GABRA3: variants seen among roughly 807,000 people sequenced by gnomAD.
The protein encoded by GABRA3 is gamma-aminobutyric acid type A receptor subunit alpha3.
In GABRA3, 10 loss-of-function variants were observed where a neutral mutation model predicts 30.1. The ratio of observed to expected loss-of-function variants is 0.33; its 90% confidence interval spans 0.20 to 0.56. The LOEUF (loss-of-function observed/expected upper bound fraction) is 0.56. GABRA3 is among the 20% of genes least tolerant of loss of function. GABRA3 has a pLI of 0.89. For synonymous variants in GABRA3, 151 were observed against 146.8 expected, an observed-to-expected ratio of 1.03 and a Z score of -0.21; for missense variants, 233 against 392.0, an observed-to-expected ratio of 0.59 and a Z score of 3.42.
At chrX:152,185,650 T>G (rs1422600861) in intron 9 of GABRA3, among the ~76,000 whole-genome samples, 1 of 111,658 alleles carries the variant, frequency 9.0e-6, no homozygotes, top group Non-Finnish European at 1.9e-5. Context: ...CAGTGTACTC[T>G]AAACACGGGC....
At chrX:152,234,070 T>C (rs1411634482) in intron 5 of GABRA3, among the ~76,000 whole-genome samples, 1 of 86,912 alleles carries the variant, frequency 1.2e-5, no homozygotes, top group African/African-American at 4.2e-5. Context: ...GGGGGAGGGA[T>C]AGCATTGGGA....
chrX:152,188,263 A>T (rs1473826353), intron 9 of GABRA3, among the ~76,000 whole-genome samples: 1 of 112,076 alleles, frequency 8.9e-6, no homozygotes, highest in Admixed American at 9.5e-5. Flanking sequence ...ATGTAAATAT[A>T]CAATGAATAG....
chrX:152,376,787 T>C (rs930483287), intron 1 of GABRA3, among the ~76,000 whole-genome samples: 1 of 111,737 alleles, frequency 8.9e-6, no homozygotes, highest in African/African-American at 3.3e-5. Context: ...ACCAATCTAA[T>C]TACACTGCAG....
intron 5 of GABRA3, 46 bp downstream of exon 5, chrX:152,255,732 A>C: frequency 1.8e-6 from 2 of 1,089,538 alleles, no homozygotes; most frequent in Non-Finnish European, 2.5e-6. Flanking sequence ...TTTCAAGCCC[A>C]GTCCTACTCC....
intron 7 of GABRA3, among the ~76,000 whole-genome samples, chrX:152,202,635 T>C (rs7062484): frequency 0.16 from 17,760 of 111,802 alleles, 1,035 homozygotes; most frequent in Admixed American, 0.24. Flanking sequence ...CGTTTGTATG[T>C]GTATGTATGT....
chrX:152,221,247 C>A lies in GABRA3; in HGVS notation c.634+3516G>T, dbSNP rs1342455967. Among the ~76,000 whole-genome samples, 3 of 111,627 alleles carry A rather than the reference C, an allele frequency of 2.7e-5. No individual in the cohort carries two copies. The East Asian group carries it at 8.5e-4, about 32-fold the overall frequency. ...AAGCTGGATTGTTTTATCTTTCACT[C>A]TTTCACATTTAGATGTGGAAACCAT... On this transcript the variant is annotated intron_variant, in intron 6 of 9. Coordinates refer to ENST00000370314, the MANE Select transcript of GABRA3 (RefSeq NM_000808.4).
At chrX:152,212,158 C>A (rs749652686) in intron 6 of GABRA3, among the ~76,000 whole-genome samples, 118 of 106,431 alleles carry the variant, frequency 1.1e-3, no homozygotes, top group African/African-American at 3.9e-3. Context: ...GTGGCACATG[C>A]CTGTAGCCCC....
At chrX:152,329,602 T>A (rs1334078541) in intron 3 of GABRA3, among the ~76,000 whole-genome samples, 1 of 111,991 alleles carries the variant, frequency 8.9e-6, no homozygotes, top group East Asian at 2.8e-4. Flanking sequence ...GGGGAAAGGA[T>A]TCCCTATTTA....
intron 3 of GABRA3, among the ~76,000 whole-genome samples, chrX:152,293,807 G>T (rs1204390995): frequency 2.7e-5 from 3 of 111,292 alleles, no homozygotes. Flanking sequence ...AGGAGCTCTT[G>T]TAAGGCAGGC....
chrX:152,417,914 T>C (rs1383074019), intron 1 of GABRA3, among the ~76,000 whole-genome samples: 1 of 95,674 alleles, frequency 1.0e-5, no homozygotes, highest in Non-Finnish European at 2.1e-5. Flanking sequence ...CTGGGAGATA[T>C]ACCTAATGCT....
At chrX:152,396,786 A>C (rs1238622798) in intron 1 of GABRA3, among the ~76,000 whole-genome samples, 1 of 112,391 alleles carries the variant, frequency 8.9e-6, no homozygotes, top group Non-Finnish European at 1.9e-5. Flanking sequence ...ATAAACTTTA[A>C]ACAAGGTAAA....
intron 5 of GABRA3, among the ~76,000 whole-genome samples, chrX:152,242,057 C>CA (rs1938389030): frequency 8.9e-6 from 1 of 111,763 alleles, no homozygotes; most frequent in South Asian, 3.7e-4. Flanking sequence ...CTCAAAACAG[C>CA]ATGGTACTAA....
chrX:152,330,301 A>C (rs770267265), intron 3 of GABRA3, among the ~76,000 whole-genome samples: 1 of 112,026 alleles, frequency 8.9e-6, no homozygotes, highest in African/African-American at 3.2e-5. Context: ...CAATTCCTCA[A>C]GGATCTAGAA....
intron 3 of GABRA3, among the ~76,000 whole-genome samples, chrX:152,298,162 A>G (rs1202605541): frequency 8.9e-6 from 1 of 112,232 alleles, no homozygotes; most frequent in East Asian, 2.8e-4. Context: ...AACCACTAAT[A>G]TAGGATGTGG....
At chrX:152,409,172 G>A (rs1006452103) in intron 1 of GABRA3, among the ~76,000 whole-genome samples, 4 of 110,965 alleles carry the variant, frequency 3.6e-5, no homozygotes, top group Non-Finnish European at 7.6e-5. Flanking sequence ...GGGTAACATA[G>A]TGAGACCCAA....
chrX:152,250,693 G>C (rs1938538940), intron 5 of GABRA3: 1 of 111,348 alleles, frequency 9.0e-6, no homozygotes, highest in African/African-American at 3.3e-5. Flanking sequence ...ACGGGTTTTA[G>C]CCTGTATTTT....
intron 4 of GABRA3, among the ~76,000 whole-genome samples, chrX:152,270,437 C>T (rs758936533): frequency 2.7e-5 from 3 of 111,633 alleles, no homozygotes; most frequent in Admixed American, 9.5e-5. Flanking sequence ...AGTGTGAGAA[C>T]GGACTAATAC....
intron 5 of GABRA3, among the ~76,000 whole-genome samples, chrX:152,237,746 T>G (rs1423598725): frequency 6.6e-5 from 7 of 106,111 alleles, no homozygotes; most frequent in African/African-American, 2.4e-4. Flanking sequence ...TTTATTCTCT[T>G]TGAAGCAATT....
chrX:152,213,887 T>G (rs1334686492), intron 6 of GABRA3, among the ~76,000 whole-genome samples: 1 of 112,023 alleles, frequency 8.9e-6, no homozygotes, highest in Non-Finnish European at 1.9e-5. Flanking sequence ...ATCAGTTGGC[T>G]GTAAATATGT....
Sources: gnomAD v4.1 joint callset for allele counts (sites outside exome capture counted in the v4.1 genomes callset) on GRCh38, gnomAD v4.1.1 for gene constraint, MANE v1.5 for transcripts, NCBI Gene and HGNC (gene_info 2026-07-23, HGNC 2026-07-21) for gene names.